Variants in TMED8 observed in about 807,000 individuals in gnomAD.
TMED8 encodes transmembrane p24 trafficking protein family member 8.
TMED8 carries 15 observed loss-of-function variants against 32.7 expected under a neutral mutation model. The observed-to-expected ratio is 0.46, with a 90% confidence interval of 0.31 to 0.71. The LOEUF is 0.71. Among genes scored for constraint, TMED8 ranks in the 30% least tolerant of loss-of-function variants. The pLI, the probability that TMED8 is intolerant of heterozygous loss-of-function variation, is 0.06. For synonymous variants in TMED8, 147 were observed against 161.4 expected (o/e 0.91, Z 0.68); for missense variants, 390 against 423.9 (o/e 0.92, Z 0.70).
chr14:77,352,705 C>G (rs1486717947), intron 1 of TMED8, among the ~76,000 whole-genome samples: 1 of 152,088 alleles, frequency 6.6e-6, no homozygotes. Context: ...CACCACTGCA[C>G]TCCAGCCTGG....
rs1175911698 is a variant in TMED8, at chr14:77,368,755, A to G, written c.118+8181T>C. Among the ~76,000 whole-genome samples the G allele has an allele frequency of 3.9e-5, 6 of 152,304 alleles. 1 individual carries two copies. In the Middle Eastern group the frequency reaches 0.014, roughly 345 times the overall value. On this transcript the variant is annotated intron_variant, in intron 1 of 5. Coordinates refer to ENST00000216468, the MANE Select transcript of TMED8 (RefSeq NM_213601.3). ...CTCCCAAAGTGCTGGGATTACAGGCATGAGCCACCAAGCCCAGTCCCTTTT... is the reference window on the plus strand; with the variant it reads ...CTCCCAAAGTGCTGGGATTACAGGCGTGAGCCACCAAGCCCAGTCCCTTTT...
chr14:77,343,753 A>G lies in TMED8; in HGVS notation c.398T>C (p.Ile133Thr), dbSNP rs1349968821. The change falls in exon 4 of 6, where the codon ATA becomes ACA. Residue 133 changes from isoleucine (I) to threonine (T), a missense_variant. Transcript: ENST00000216468. ...VMIQSEHTGA[I>T]DVLSADLESA... is the part of the protein sequence containing the mutation. ...TTCCAAATCAGCTGAAAGAACATCT[A>G]TAGCTCCTGTATGTTCAGACTGGAT... The G allele has an allele frequency of 3.1e-6, 5 of 1,614,092 alleles. No individual in the cohort carries two copies. Among genetic ancestry groups the G allele is most frequent in the South Asian group, 1.1e-5 (1 of 91,084 alleles).
intron 1 of TMED8, among the ~76,000 whole-genome samples, chr14:77,375,335 G>A (rs976921435): frequency 6.6e-6 from 1 of 151,960 alleles, no homozygotes; most frequent in African/African-American, 2.4e-5. Flanking sequence ...AGATGTCAGG[G>A]GGAAAAAAAA....
In TMED8 at chr14:77,339,309, G is replaced by C. The variant is rs925766180; in HGVS notation, c.*2462C>G. ...ATGAATGAAATGTAACCATGCCCAG[G>C]ACTTCAAAAGTGACCAGACCCTAAG... On this transcript the variant is annotated 3_prime_UTR_variant, in exon 6 of 6. Coordinates refer to ENST00000216468, the MANE Select transcript of TMED8 (RefSeq NM_213601.3). The C allele has an allele frequency of 1.3e-5, 2 of 152,208 alleles. No homozygotes were observed. Among genetic ancestry groups the C allele is most frequent in the African/African-American group, 4.8e-5 (2 of 41,448 alleles). The allele number at this position is 152,208 out of a possible 1,614,324, so 9.4% of individuals were successfully genotyped here. A position where few individuals can be genotyped will look rare whatever the true frequency, so the allele number is the denominator to read the frequency against.
intron 1 of TMED8, among the ~76,000 whole-genome samples, chr14:77,368,711 A>G (rs1342813517): frequency 1.3e-5 from 2 of 152,098 alleles, no homozygotes; most frequent in African/African-American, 4.8e-5. Context: ...TCCTGACCTC[A>G]TGATCCGCCC....
Position 77,377,065 on chromosome 14 carries a change from G to C in TMED8, c.-12C>G. On this transcript the variant is annotated 5_prime_UTR_variant, in exon 1 of 6. Transcript: ENST00000216468. ...TGCAGGTCAGACATCTGCAGCCCGC[G>C]CACGGAGCTCTCCGCTGCCAGCCGC... is the stretch of plus-strand genomic sequence containing the variant. 2.2e-6 allele frequency: 3 copies of C among 1,344,334 alleles called. No individual in the cohort carries two copies. Among genetic ancestry groups the C allele is most frequent in the Middle Eastern group, 2.8e-4 (1 of 3,632 alleles). The allele number at this position is 1,344,334 out of a possible 1,614,324, so 83.3% of individuals were successfully genotyped here. A position where few individuals can be genotyped will look rare whatever the true frequency, so the allele number is the denominator to read the frequency against.
chr14:77,375,837 T>C (rs1327853607), intron 1 of TMED8, among the ~76,000 whole-genome samples: 1 of 152,210 alleles, frequency 6.6e-6, no homozygotes, highest in East Asian at 1.9e-4. Context: ...GTGTGTACCA[T>C]GGACTATACC....
intron 1 of TMED8, among the ~76,000 whole-genome samples, chr14:77,360,206 TA>T: frequency 6.6e-6 from 1 of 152,300 alleles, no homozygotes; most frequent in Admixed American, 6.5e-5. Context: ...CAAAAGCACC[TA>T]AAATTTCCTT....
intron 2 of TMED8, among the ~76,000 whole-genome samples, chr14:77,349,627 A>G (rs1893134556): frequency 6.6e-6 from 1 of 152,118 alleles, no homozygotes; most frequent in Admixed American, 6.5e-5. Flanking sequence ...TCCTTCCTGC[A>G]GGTTTTCTGC....
chr14:77,359,566 G>A (rs1273512075), intron 1 of TMED8: 6 of 413,616 alleles, frequency 1.5e-5, no homozygotes, highest in South Asian at 5.3e-5. Context: ...ATCTGCTATC[G>A]AGTAAAACTG....
In TMED8 at chr14:77,347,559, C is replaced by A. The variant is rs79401503; in HGVS notation, c.198-1081G>T. Among the ~76,000 whole-genome samples the A allele has an allele frequency of 1.1e-4, 16 of 152,322 alleles. No individual in the cohort carries two copies. The East Asian group carries it at 3.1e-3, about 29-fold the overall frequency. ...CTGGGATCACAGGCATGTGCCACGA[C>A]ACCCGGCTAATTTTGTATTTTTAGT... On this transcript the variant is annotated intron_variant, in intron 2 of 5. Transcript: ENST00000216468.
In TMED8 at chr14:77,374,229, A is replaced by G. The variant is rs1893763295; in HGVS notation, c.118+2707T>C. On this transcript the variant is annotated intron_variant, in intron 1 of 5. Coordinates refer to ENST00000216468, the MANE Select transcript of TMED8 (RefSeq NM_213601.3). ...GTATCATTTTCTAGAGGAAGATGGC[A>G]GAAGGATCCAATCAAACGAATTCCA... is the stretch of plus-strand genomic sequence containing the variant. 2.0e-5 allele frequency among the ~76,000 whole-genome samples: 3 copies of G among 152,350 alleles called. No individual in the cohort carries two copies. In the South Asian group the frequency reaches 6.2e-4, roughly 32 times the overall value.
chr14:77,354,081 C>T (rs1408344633), intron 1 of TMED8, among the ~76,000 whole-genome samples: 2 of 152,226 alleles, frequency 1.3e-5, no homozygotes, highest in Non-Finnish European at 2.9e-5. Flanking sequence ...TGTGACCATG[C>T]TGGCTCCCTT....
At chr14:77,345,069 C>T (rs996440651) in intron 3 of TMED8, among the ~76,000 whole-genome samples, 16 of 152,280 alleles carry the variant, frequency 1.1e-4, no homozygotes, top group Admixed American at 7.8e-4. Context: ...CTCACTGCAA[C>T]CTCCACCTCC....
intron 1 of TMED8, among the ~76,000 whole-genome samples, chr14:77,366,979 T>G (rs936519598): frequency 6.6e-6 from 1 of 152,066 alleles, no homozygotes; most frequent in Non-Finnish European, 1.5e-5. Context: ...GCGCAGTGGC[T>G]TATACCTGTA....
rs1008606220 is a variant in TMED8 at position 77,339,560 on chromosome 14, C to T, written c.*2211G>A. On this transcript the variant is annotated 3_prime_UTR_variant, in exon 6 of 6. Transcript: ENST00000216468. ...GGCTTTAGCTGACTAGAAAACAGCT[C>T]AGTAGAAAATTATTTTACAAAGATT... The T allele has an allele frequency of 1.3e-5, 2 of 152,116 alleles. No individual in the cohort carries two copies. The highest frequency in any genetic ancestry group is 4.8e-5 in the African/African-American group (2 of 41,408). The allele number at this position is 152,116 out of a possible 1,614,324, so 9.4% of individuals were successfully genotyped here. A position where few individuals can be genotyped will look rare whatever the true frequency, so the allele number is the denominator to read the frequency against.
intron 1 of TMED8, among the ~76,000 whole-genome samples, chr14:77,365,793 G>C (rs1262072547): frequency 1.3e-5 from 2 of 152,136 alleles, no homozygotes; most frequent in Non-Finnish European, 2.9e-5. Context: ...TTGTCCCAAA[G>C]GTGATGAATA....
rs535363251 is a variant in TMED8 at position 77,343,185 on chromosome 14, C to A, written c.753G>T (p.Glu251Asp). ...DEDEEEEEEE[E>D]IEEPVPAGDV... ...GGTTAAAATTAAATTTACCTTCAATCTCTTCCTCCTCTTCCTCTTCTTCAT... is the reference window on the plus strand; with the variant it reads ...GGTTAAAATTAAATTTACCTTCAATATCTTCCTCCTCTTCCTCTTCTTCAT... The change falls in exon 5 of 6, where the codon GAG (glutamate) becomes GAT (aspartate). Residue 251 changes from glutamate to aspartate, a missense_variant. Glu to Asp is a conservative substitution (Grantham distance 45). Transcript: ENST00000216468. 8.1e-6 allele frequency: 13 copies of A among 1,612,210 alleles called. No homozygotes were observed. Among genetic ancestry groups the A allele is most frequent in the African/African-American group, 5.3e-5 (4 of 75,024 alleles).
intron 3 of TMED8, among the ~76,000 whole-genome samples, chr14:77,344,200 A>G (rs17105724): frequency 0.24 from 35,814 of 152,034 alleles, 4,507 homozygotes; most frequent in African/African-American, 0.29. Flanking sequence ...GGCTCCTCTC[A>G]TTAATAGCTC....
Sources: allele counts gnomAD v4.1 joint callset (sites outside exome capture counted in the v4.1 genomes callset), GRCh38; gene constraint gnomAD v4.1.1; transcripts MANE v1.5; gene names NCBI Gene and HGNC (gene_info 2026-07-23, HGNC 2026-07-21).